Variants in SFXN5 observed in about 807,000 individuals in gnomAD.
SFXN5 encodes the protein sideroflexin 5, also known as sideroflexin-5.
A neutral mutation model predicts 50.2 loss-of-function variants in SFXN5; 43 were observed. The observed-to-expected ratio is 0.86, with a 90% CI of 0.67 to 1.11. The LOEUF is 1.11. Ranked by LOEUF, SFXN5 falls within the 50% of genes least tolerant of loss-of-function variation. The pLI, the probability that SFXN5 is intolerant of heterozygous loss-of-function variation, is 0.00. For synonymous variants in SFXN5, 203 were observed against 185.8 expected (o/e 1.09, Z -0.75); for missense variants, 463 against 454.1 (o/e 1.02, Z -0.18).
chr2:73,064,310 C>T (rs1683021632), intron 1 of SFXN5, among the ~76,000 whole-genome samples: 1 of 152,246 alleles, frequency 6.6e-6, no homozygotes. Context: ...ATCAGCTGCA[C>T]CCTGAACCAC....
chr2:73,006,349 C>T (rs899831066), intron 6 of SFXN5, among the ~76,000 whole-genome samples: 2 of 152,180 alleles, frequency 1.3e-5, no homozygotes, highest in Admixed American at 1.3e-4. Context: ...CTTACAGGCA[C>T]GGTGGCTCAC....
intron 13 of SFXN5, among the ~76,000 whole-genome samples, chr2:72,955,428 C>T (rs899827901): frequency 6.6e-6 from 1 of 152,302 alleles, no homozygotes; most frequent in East Asian, 1.9e-4. Flanking sequence ...CGTTCCCCAG[C>T]CCCCGAGCTC....
rs1672440709 is a variant in SFXN5 at position 72,950,747 on chromosome 2, A to G, written c.946-5648T>C. 6.6e-6 allele frequency among the ~76,000 whole-genome samples: 1 copy of G among 152,230 alleles called. No homozygotes were observed. Among genetic ancestry groups the G allele is most frequent in the Non-Finnish European group, 1.5e-5 (1 of 68,032 alleles). ...AGTGAAAGTGACTCAGGTCTGAGCA[A>G]AGGCAATAAAGCATCTCTTCCTGCT... On this transcript the variant is annotated intron_variant, in intron 13 of 13. Coordinates refer to ENST00000272433, the MANE Select transcript of SFXN5 (RefSeq NM_144579.3). The surrounding 1 kb of genome is among the most constrained non-coding windows in gnomAD (Gnocchi z 4.2).
rs1674722536 is a variant in SFXN5, at chr2:72,968,428, T to C, written c.827+20A>G. On this transcript the variant is annotated intron_variant, in intron 12 of 13. Transcript: ENST00000272433. Reference sequence around the variant, plus strand: ...CTCCTCCCCCATGGTGGCCTCTCCATCCTGGCTGCCCCAACTCACTTCTCC... The same window carrying C: ...CTCCTCCCCCATGGTGGCCTCTCCACCCTGGCTGCCCCAACTCACTTCTCC... 1 of 1,420,170 alleles carries C rather than the reference T, an allele frequency of 7.0e-7. No homozygotes were observed. The highest frequency in any genetic ancestry group is 1.8e-5 in the Admixed American group (1 of 55,260). The allele number at this position is 1,420,170 out of a possible 1,614,324, so 88.0% of individuals were successfully genotyped here. A position where few individuals can be genotyped will look rare whatever the true frequency, so the allele number is the denominator to read the frequency against.
chr2:72,968,589 CACA>C (rs1674758907), intron 11 of SFXN5, 56 bp from the exon 12 acceptor site: 1 of 1,547,332 alleles, frequency 6.5e-7, no homozygotes, highest in South Asian at 1.1e-5. Context: ...GACAGGACAG[CACA>C]CCACCCAGAG....
At chr2:72,988,829 G>A (rs1198995959) in intron 9 of SFXN5, among the ~76,000 whole-genome samples, 1 of 152,076 alleles carries the variant, frequency 6.6e-6, no homozygotes, top group Non-Finnish European at 1.5e-5. Context: ...CTCAGGACAG[G>A]GAGACCCCGA....
intron 2 of SFXN5, 32 bp from the exon 3 acceptor site, chr2:73,040,963 C>T (rs1338360446): frequency 3.1e-6 from 5 of 1,598,568 alleles, no homozygotes. Flanking sequence ...CATTGAGGGG[C>T]ACAGATCCAG....
chr2:73,021,605 G>A (rs1574140964), intron 5 of SFXN5, among the ~76,000 whole-genome samples: 1 of 152,214 alleles, frequency 6.6e-6, no homozygotes, highest in African/African-American at 2.4e-5. Context: ...CTTCCTGGTT[G>A]TTTATTTTCT....
intron 10 of SFXN5, among the ~76,000 whole-genome samples, chr2:72,980,586 A>T (rs2105514387): frequency 6.6e-6 from 1 of 152,298 alleles, no homozygotes; most frequent in South Asian, 2.1e-4. Context: ...CCGACTCAGG[A>T]TCGGGAATTT....
intron 6 of SFXN5, among the ~76,000 whole-genome samples, chr2:73,003,768 A>G (rs1235858049): frequency 2.6e-5 from 4 of 152,212 alleles, no homozygotes; most frequent in Non-Finnish European, 4.4e-5. Flanking sequence ...AGTCTTTTCC[A>G]GAACAAACCA....
chr2:72,988,134 A>G (rs897262470), intron 10 of SFXN5, 124 bp downstream of exon 10: 66 of 801,178 alleles, frequency 8.2e-5, no homozygotes, highest in Non-Finnish European at 1.2e-4. Context: ...TATTACACCA[A>G]TTCTCCCAGC....
At chr2:73,029,201 A>G (rs1559174944) in intron 3 of SFXN5, among the ~76,000 whole-genome samples, 1 of 152,220 alleles carries the variant, frequency 6.6e-6, no homozygotes, top group Non-Finnish European at 1.5e-5. Flanking sequence ...GCATCCTGGC[A>G]TCATCTTTGG....
At position 72,973,486 on chromosome 2, in the gene SFXN5, C is replaced by T. The variant is rs1670270291; in HGVS notation, c.626-1801G>A. On this transcript the variant is annotated intron_variant, in intron 10 of 13. Transcript: ENST00000272433. This position sits in a 1 kb window ranked among gnomAD's most constrained non-coding sequence, Gnocchi z 5.5. ...TCTCGCAAGGCACAGGACAGTCCCC[C>T]CACCAAAGGATCATCTGGCCCCCAA... 1 of 170,154 alleles carries T rather than the reference C, an allele frequency of 5.9e-6. No homozygotes were observed. The highest frequency in any genetic ancestry group is 6.5e-5 in the Admixed American group (1 of 15,312). 10.5% of individuals were successfully genotyped at this position (170,154 alleles called of 1,614,324 possible).
chr2:73,006,196 G>A (rs773100581), intron 6 of SFXN5, among the ~76,000 whole-genome samples: 11 of 152,064 alleles, frequency 7.2e-5, no homozygotes, highest in Non-Finnish European at 1.6e-4. Context: ...CAAGGAGGAG[G>A]ACAGACAGGA....
intron 13 of SFXN5, among the ~76,000 whole-genome samples, chr2:72,947,401 G>A (rs539615896): frequency 5.3e-5 from 8 of 152,268 alleles, no homozygotes; most frequent in Admixed American, 3.9e-4. Context: ...CCCCTAGCTA[G>A]AGGGGGGCAG....
intron 6 of SFXN5, chr2:73,019,976 G>GTGGGGAC (rs1676653858): frequency 2.4e-6 from 1 of 420,758 alleles, no homozygotes; most frequent in Admixed American, 4.1e-5. Context: ...AATGACAACA[G>GTGGGGAC]TGGGGACAGA....
At chr2:73,042,440 C>A (rs536953421) in intron 2 of SFXN5, 1 of 151,970 alleles carries the variant, frequency 6.6e-6, no homozygotes, top group Admixed American at 6.6e-5. Flanking sequence ...TGATGAAACC[C>A]CGTCTCTACT....
chr2:72,953,672 T>G lies in SFXN5; in HGVS notation c.945+7459A>C, dbSNP rs1672779192. Among the ~76,000 whole-genome samples the G allele has an allele frequency of 6.6e-6, 1 of 152,018 alleles. No homozygotes were observed. Among genetic ancestry groups the G allele is most frequent in the Non-Finnish European group, 1.5e-5 (1 of 67,978 alleles). On this transcript the variant is annotated intron_variant, in intron 13 of 13. Transcript: ENST00000272433. This position sits in a 1 kb window ranked among gnomAD's most constrained non-coding sequence, Gnocchi z 4.1. Reference sequence around the variant, plus strand: ...AACACACCACCAGAGCCTACACAGGTGAGGTGAGACAGATCTTAGTGGGGA... The same window carrying G: ...AACACACCACCAGAGCCTACACAGGGGAGGTGAGACAGATCTTAGTGGGGA...
intron 2 of SFXN5, among the ~76,000 whole-genome samples, chr2:73,041,952 C>T (rs1302734031): frequency 6.6e-6 from 1 of 152,154 alleles, no homozygotes; most frequent in Non-Finnish European, 1.5e-5. Context: ...CTGCCTGCCT[C>T]AGCTTCCCAA....
Sources: gnomAD v4.1 joint callset for allele counts (sites outside exome capture counted in the v4.1 genomes callset) on GRCh38, gnomAD v4.1.1 for gene constraint, Gnocchi (gnomAD v3.1) non-coding constraint, MANE v1.5 for transcripts, NCBI Gene and HGNC (gene_info 2026-07-23, HGNC 2026-07-21) for gene names.